AVIL: variants seen among roughly 807,000 people sequenced by gnomAD.
AVIL encodes advillin.
In AVIL, 78 loss-of-function variants were observed where a neutral mutation model predicts 109.9. The observed-to-expected ratio is 0.71, with a 90% CI of 0.59 to 0.86. The LOEUF (loss-of-function observed/expected upper bound fraction) is 0.86, where lower values mean the gene tolerates loss of function less well. Ranked by LOEUF, AVIL falls within the 40% of genes least tolerant of loss-of-function variation. AVIL has a pLI of 0.00. For missense variants in AVIL, 892 were observed against 1,016.5 expected, an observed-to-expected ratio of 0.88 and a Z score of 1.67; for synonymous variants, 367 against 379.1, an observed-to-expected ratio of 0.97 and a Z score of 0.37.
In AVIL at chr12:57,807,395, A is replaced by G. The variant is rs775882643; in HGVS notation, c.1427T>C (p.Val476Ala). ...GTGGCGTGGCTCCGTTCCCATCCTG[A>G]CTCGAACCTGCACAGCAGCCCCATC... ...QFDGAAVQVRVRMGTEPRHFM... is the reference protein window; with the variant it reads ...QFDGAAVQVRARMGTEPRHFM... The change falls in exon 13 of 20, where the codon GTC becomes GCC. Residue 476 changes from valine (V) to alanine (A), a missense_variant. By Grantham distance (64) the Val-to-Ala change is moderately conservative. Transcript: ENST00000549994. The G allele has an allele frequency of 6.8e-6, 11 of 1,613,948 alleles. No homozygotes were observed. Among genetic ancestry groups the G allele is most frequent in the Admixed American group, 1.7e-5 (1 of 59,992 alleles).
intron 14 of AVIL, chr12:57,804,560 C>A (rs1955912348): frequency 6.6e-6 from 1 of 152,156 alleles, no homozygotes; most frequent in Non-Finnish European, 1.5e-5. Flanking sequence ...TACTGTAATC[C>A]CAGCACTTTG....
Position 57,808,554 on chromosome 12 carries a change from G to C in AVIL, c.940-6C>G, listed in dbSNP as rs1451270345. The C allele has an allele frequency of 6.2e-7, 1 of 1,613,592 alleles. No homozygotes were observed. Among genetic ancestry groups the C allele is most frequent in the Non-Finnish European group, 8.5e-7 (1 of 1,179,926 alleles). Reference sequence around the variant, plus strand: ...CTCTTCATCTTGATGAAGCCCTGCAGAGCCACCCATTCCCAAAGGCAGGTC... The same window carrying C: ...CTCTTCATCTTGATGAAGCCCTGCACAGCCACCCATTCCCAAAGGCAGGTC... On this transcript the variant is annotated splice_region_variant and splice_polypyrimidine_tract_variant and intron_variant, in intron 9 of 19. Transcript: ENST00000549994.
chr12:57,818,455 C>T (rs183574505), intron 1 of AVIL, among the ~76,000 whole-genome samples, 174 bp downstream of exon 1: 7 of 152,170 alleles, frequency 4.6e-5, no homozygotes, highest in Admixed American at 4.6e-4. Flanking sequence ...TCAGCTGCCT[C>T]TAAGGGGTTC....
At chr12:57,807,790 T>TA in intron 11 of AVIL, 63 bp from the exon 12 acceptor site, 1 of 1,603,532 alleles carries the variant, frequency 6.2e-7, no homozygotes, top group South Asian at 1.1e-5. Flanking sequence ...TAGGCCACAC[T>TA]AAAGAGAGAA....
Position 57,810,416 on chromosome 12 carries a change from T to C in AVIL, c.694A>G (p.Ile232Val), listed in dbSNP as rs1465724103. ...TCATCAGGGACTGTAGGCTTGATAA[T>C]GGAGCGTCGGCCAAGGGTGTCCTGA... ...VLQDTLGRRS[I>V]IKPTVPDEII... The change falls in exon 7 of 20, where the codon ATT (isoleucine) becomes GTT (valine). Residue 232 changes from isoleucine (I) to valine (V), a missense_variant. Coordinates refer to ENST00000549994, the MANE Select transcript of AVIL (RefSeq NM_006576.4). 8.7e-6 allele frequency: 14 copies of C among 1,614,078 alleles called. No individual in the cohort carries two copies. Among genetic ancestry groups the C allele is most frequent in the Non-Finnish European group, 1.2e-5 (14 of 1,180,056 alleles).
chr12:57,811,287 G>A (rs1446444921), intron 4 of AVIL, among the ~76,000 whole-genome samples, 160 bp from the exon 5 acceptor site: 2 of 152,208 alleles, frequency 1.3e-5, no homozygotes, highest in Admixed American at 6.5e-5. Flanking sequence ...TAGACTGGGT[G>A]AGTGACTTTC....
chr12:57,804,391 A>T (rs1224817959), intron 14 of AVIL: 1 of 152,164 alleles, frequency 6.6e-6, no homozygotes, highest in South Asian at 2.1e-4. Flanking sequence ...GTTGTTTCTG[A>T]TTATGAATAA....
At chr12:57,814,093 A>G in intron 3 of AVIL, 59 bp downstream of exon 3, 1 of 1,572,518 alleles carries the variant, frequency 6.4e-7, no homozygotes, top group Non-Finnish European at 8.7e-7. Flanking sequence ...ATCTCCCAGT[A>G]CAGCCCAAGA....
chr12:57,801,107 A>T (rs751205806), intron 18 of AVIL, 37 bp downstream of exon 18: 26 of 1,587,112 alleles, frequency 1.6e-5, no homozygotes, highest in East Asian at 4.5e-5. Flanking sequence ...CTGGTTGCCC[A>T]TGTGGCTGGC....
chr12:57,809,740 A>G, intron 8 of AVIL, 45 bp from the exon 9 acceptor site: 1 of 1,613,700 alleles, frequency 6.2e-7, no homozygotes, highest in Non-Finnish European at 8.5e-7. Context: ...ACCAGAAGGA[A>G]GATTTTGCAC....
At chr12:57,817,291 G>T (rs879476858) in intron 1 of AVIL, among the ~76,000 whole-genome samples, 1 of 151,392 alleles carries the variant, frequency 6.6e-6, no homozygotes, top group African/African-American at 2.4e-5. Flanking sequence ...CATACTGTTT[G>T]TTAAGAGGAA....
In AVIL at chr12:57,802,369, T is replaced by C. The variant is rs1284679552; in HGVS notation, c.1963-21A>G. Reference sequence around the variant, plus strand: ...AACACCTGTTAAGGTGGAGATTTAATATATGTTACTGTGTTCATACCAAGG... The same window carrying C: ...AACACCTGTTAAGGTGGAGATTTAACATATGTTACTGTGTTCATACCAAGG... On this transcript the variant is annotated intron_variant, in intron 16 of 19. Coordinates refer to ENST00000549994, the MANE Select transcript of AVIL (RefSeq NM_006576.4). 11 of 1,590,592 alleles carry C rather than the reference T, an allele frequency of 6.9e-6. No homozygotes were observed. The African/African-American group carries it at 1.5e-4, about 21-fold the overall frequency.
chr12:57,800,904 G>A (rs111894075), intron 18 of AVIL, among the ~76,000 whole-genome samples: 3 of 152,298 alleles, frequency 2.0e-5, no homozygotes, highest in African/African-American at 2.4e-5. Flanking sequence ...CACCGCGCCC[G>A]GCCCCATTTT....
chr12:57,802,055 G>A lies in AVIL; in HGVS notation c.2151+105C>T, dbSNP rs940083337. On this transcript the variant is annotated intron_variant, in intron 17 of 19. Transcript: ENST00000549994. ...AGTGGGATGGGAGTAGGGAAATGAG[G>A]TCCTGGTTTCACTGAGCCGTGAATC... The A allele has an allele frequency of 6.8e-5, 89 of 1,315,530 alleles. 1 individual carries two copies. In the Admixed American group the frequency reaches 1.9e-3, roughly 29 times the overall value. 81.5% of individuals were successfully genotyped at this position (1,315,530 alleles called of 1,614,324 possible). A position where few individuals can be genotyped will look rare whatever the true frequency, so the allele number is the denominator to read the frequency against.
rs1248866516 is a variant in AVIL, at chr12:57,807,509, T to G, written c.1333-20A>C. On this transcript the variant is annotated intron_variant, in intron 12 of 19. Coordinates refer to ENST00000549994, the MANE Select transcript of AVIL (RefSeq NM_006576.4). Reference sequence around the variant, plus strand: ...GCGGCCCTGCAATGGTGAGAGGCCATGAAGGACCCATGCTCCCCGCCCCAG... The same window carrying G: ...GCGGCCCTGCAATGGTGAGAGGCCAGGAAGGACCCATGCTCCCCGCCCCAG... 2 of 1,614,204 alleles carry G rather than the reference T, an allele frequency of 1.2e-6. No individual in the cohort carries two copies. Among genetic ancestry groups the G allele is most frequent in the East Asian group, 4.5e-5 (2 of 44,884 alleles).
At chr12:57,803,775 C>A in intron 14 of AVIL, 106 bp from the exon 15 acceptor site, 1 of 1,425,600 alleles carries the variant, frequency 7.0e-7, no homozygotes, top group Non-Finnish European at 9.5e-7. Context: ...GATCAGCTAC[C>A]AAACCACAGT....
At position 57,803,317 on chromosome 12, in the gene AVIL, G is replaced by T. The variant is rs1955887338; in HGVS notation, c.1892C>A (p.Thr631Asn). The change falls in exon 16 of 20, where the codon ACT becomes AAT. Residue 631 changes from threonine to asparagine, a missense_variant. Transcript: ENST00000549994. ...ATCCTGGGTGAAGTCTGTGATCTCAGTGACAACGAATTGGCCGGTCTTATT... is the reference window on the plus strand; with the variant it reads ...ATCCTGGGTGAAGTCTGTGATCTCATTGACAACGAATTGGCCGGTCTTATT... ...CSNKTGQFVVTEITDFTQDDL... is the reference protein window; with the variant it reads ...CSNKTGQFVVNEITDFTQDDL... 2.5e-6 allele frequency: 4 copies of T among 1,614,208 alleles called. No homozygotes were observed. Among genetic ancestry groups the T allele is most frequent in the Non-Finnish European group, 3.4e-6 (4 of 1,180,044 alleles).
At chr12:57,812,523 G>C (rs753180955) in intron 4 of AVIL, among the ~76,000 whole-genome samples, 2 of 151,868 alleles carry the variant, frequency 1.3e-5, no homozygotes, top group Admixed American at 1.3e-4. Flanking sequence ...CAGCATGCCC[G>C]GCTAATTTTT....
At chr12:57,815,339 G>A (rs1410547678) in intron 2 of AVIL, among the ~76,000 whole-genome samples, 1 of 152,244 alleles carries the variant, frequency 6.6e-6, no homozygotes, top group East Asian at 1.9e-4. Flanking sequence ...TTGCTGGAGA[G>A]CTGACTCCCC....
Sources: allele counts gnomAD v4.1 joint callset (sites outside exome capture counted in the v4.1 genomes callset), GRCh38; gene constraint gnomAD v4.1.1; transcripts MANE v1.5; gene names NCBI Gene and HGNC (gene_info 2026-07-23, HGNC 2026-07-21).